Variants in PHAF1 observed in about 807,000 individuals in gnomAD.
The protein encoded by PHAF1 is phagosome assembly factor 1.
Under a neutral mutation model 63.1 loss-of-function variants are expected in PHAF1, and 23 were observed. The observed-to-expected ratio is 0.36, with a 90% CI of 0.26 to 0.52. The LOEUF (loss-of-function observed/expected upper bound fraction) is 0.52, where lower values mean the gene tolerates loss of function less well. Among genes scored for constraint, PHAF1 ranks in the 20% least tolerant of loss-of-function variants. PHAF1 has a pLI of 0.93. For synonymous variants in PHAF1, 167 were observed against 185.0 expected, an observed-to-expected ratio of 0.90 and a Z score of 0.79; for missense variants, 427 against 517.2, an observed-to-expected ratio of 0.83 and a Z score of 1.69.
chr16:67,140,832 G>A (rs1419543734), intron 10 of PHAF1, among the ~76,000 whole-genome samples: 2 of 152,224 alleles, frequency 1.3e-5, no homozygotes, highest in African/African-American at 4.8e-5. Flanking sequence ...TCTTTTCTGA[G>A]GGAAACATGT....
chr16:67,118,194 C>T (rs1962822843), intron 1 of PHAF1, among the ~76,000 whole-genome samples: 1 of 144,110 alleles, frequency 6.9e-6, no homozygotes, highest in Non-Finnish European at 1.5e-5. Context: ...AGGATGGTCT[C>T]GATCTCCTGA....
intron 2 of PHAF1, among the ~76,000 whole-genome samples, chr16:67,125,676 T>C (rs1248478763): frequency 6.6e-6 from 1 of 152,210 alleles, no homozygotes; most frequent in East Asian, 1.9e-4. Flanking sequence ...ACCTGTATAC[T>C]CATATAACTT....
Position 67,148,539 on chromosome 16 carries a change from A to C in PHAF1, c.*1408A>C, listed in dbSNP as rs1289597025. The C allele has an allele frequency of 6.6e-6, 1 of 152,130 alleles. No homozygotes were observed. Among genetic ancestry groups the C allele is most frequent in the Non-Finnish European group, 1.5e-5 (1 of 67,988 alleles). The allele number at this position is 152,130 out of a possible 1,614,324, so 9.4% of individuals were successfully genotyped here. A position where few individuals can be genotyped will look rare whatever the true frequency, so the allele number is the denominator to read the frequency against. On this transcript the variant is annotated 3_prime_UTR_variant, in exon 16 of 16. Coordinates refer to ENST00000219139, the MANE Select transcript of PHAF1 (RefSeq NM_025187.5). ...TGCTGTTGCTGGGATGTTTGTATTAAGGTAAGTGTGGGTATTGGTTTTTTG... is the reference window on the plus strand; with the variant it reads ...TGCTGTTGCTGGGATGTTTGTATTACGGTAAGTGTGGGTATTGGTTTTTTG...
chr16:67,129,769 T>C (rs962164186), intron 3 of PHAF1, among the ~76,000 whole-genome samples: 3 of 152,242 alleles, frequency 2.0e-5, no homozygotes, highest in Non-Finnish European at 2.9e-5. Flanking sequence ...GCTTATTACT[T>C]GGCACCACTG....
intron 1 of PHAF1, among the ~76,000 whole-genome samples, chr16:67,115,610 A>G (rs1032008326): frequency 2.0e-5 from 3 of 152,218 alleles, no homozygotes; most frequent in Admixed American, 1.3e-4. Context: ...CTGTGAGACA[A>G]AGATTTGTGC....
In PHAF1 at chr16:67,148,066, TATTA is replaced by T. The variant is rs2030251774; in HGVS notation, c.*938_*941del. 1 of 152,682 alleles carries T rather than the reference TATTA, an allele frequency of 6.5e-6. No individual in the cohort carries two copies. The allele number at this position is 152,682 out of a possible 1,614,324, so 9.5% of individuals were successfully genotyped here. A position where few individuals can be genotyped will look rare whatever the true frequency, so the allele number is the denominator to read the frequency against. The stretch of plus-strand genomic sequence containing the variant: ...AAGTAGCATATATGTGCTTTAAAAA[TATTA>T]ATCCTTTTGAAAAGAACTGAGAAGA... On this transcript the variant is annotated 3_prime_UTR_variant, in exon 16 of 16. Coordinates refer to ENST00000219139, the MANE Select transcript of PHAF1 (RefSeq NM_025187.5).
chr16:67,114,179 A>G lies in PHAF1; in HGVS notation c.64+3940A>G, dbSNP rs1338197431. The stretch of plus-strand genomic sequence containing the variant: ...GAAGGCTCACTGTGTTGAAGGCATC[A>G]TCTACCTCTGTGAACTCTGCTCACA... On this transcript the variant is annotated intron_variant, in intron 1 of 15. Transcript: ENST00000219139. Among the ~76,000 whole-genome samples, 5 of 152,172 alleles carry G rather than the reference A, an allele frequency of 3.3e-5. No homozygotes were observed. The East Asian group carries it at 5.8e-4, about 18-fold the overall frequency.
intron 1 of PHAF1, among the ~76,000 whole-genome samples, chr16:67,118,003 G>T (rs1239277128): frequency 1.4e-5 from 2 of 148,134 alleles, no homozygotes; most frequent in Non-Finnish European, 3.0e-5. Context: ...AGCCCGGGCT[G>T]GAGTGCAGTG....
In PHAF1 at chr16:67,110,031, G is replaced by A; in HGVS notation, c.-145G>A. Reference sequence around the variant, plus strand: ...TGAGGTGTGGTGTTGGGCCGGTGCTGCTGCCGCTGCCGCCGGGGAGGAGGT... The same window carrying A: ...TGAGGTGTGGTGTTGGGCCGGTGCTACTGCCGCTGCCGCCGGGGAGGAGGT... On this transcript the variant is annotated 5_prime_UTR_variant, in exon 1 of 16. Transcript: ENST00000219139. 4 of 788,156 alleles carry A rather than the reference G, an allele frequency of 5.1e-6. 1 individual carries two copies. The highest frequency in any genetic ancestry group is 5.4e-5 in the East Asian group (2 of 37,026). The allele number at this position is 788,156 out of a possible 1,614,324, so 48.8% of individuals were successfully genotyped here. A position where few individuals can be genotyped will look rare whatever the true frequency, so the allele number is the denominator to read the frequency against.
At chr16:67,117,799 C>T (rs1301939655) in intron 1 of PHAF1, among the ~76,000 whole-genome samples, 5 of 149,650 alleles carry the variant, frequency 3.3e-5, no homozygotes, top group Admixed American at 6.7e-5. Flanking sequence ...AGGAATGCCT[C>T]GCCCTGTTGC....
Position 67,144,897 on chromosome 16 carries a change from A to G in PHAF1, c.1006+20A>G. On this transcript the variant is annotated intron_variant, in intron 12 of 15. Transcript: ENST00000219139. ...AGAAAGGTGAGTAGTGAAAGCTCTC[A>G]GGGTAAGGGAGGGGTTTTAGAGTCT... is the stretch of plus-strand genomic sequence containing the variant. The G allele has an allele frequency of 6.2e-7, 1 of 1,610,538 alleles. No homozygotes were observed. The highest frequency in any genetic ancestry group is 8.5e-7 in the Non-Finnish European group (1 of 1,176,706).
chr16:67,144,919 G>A (rs2029911677), intron 12 of PHAF1, 42 bp downstream of exon 12: 1 of 1,596,486 alleles, frequency 6.3e-7, no homozygotes, highest in Non-Finnish European at 8.6e-7. Flanking sequence ...GGGTTTTAGA[G>A]TCTGTTTTCC....
At chr16:67,127,351 A>G (rs553065741) in intron 3 of PHAF1, among the ~76,000 whole-genome samples, 9 of 152,326 alleles carry the variant, frequency 5.9e-5, no homozygotes, top group African/African-American at 2.2e-4. Context: ...ACCAGTTCTC[A>G]TCATCCTTGT....
At chr16:67,126,599 T>G (rs1229807780) in intron 3 of PHAF1, among the ~76,000 whole-genome samples, 3 of 149,898 alleles carry the variant, frequency 2.0e-5, no homozygotes, top group African/African-American at 4.9e-5. Flanking sequence ...TTTTTGGTTT[T>G]TTTTTTTTTT....
chr16:67,129,111 TGC>T, intron 3 of PHAF1, among the ~76,000 whole-genome samples: 1 of 152,218 alleles, frequency 6.6e-6, no homozygotes, highest in African/African-American at 2.4e-5. Flanking sequence ...TGAAATGGCA[TGC>T]CAGTTTGGCA....
At chr16:67,142,486 C>T (rs1963850775) in intron 10 of PHAF1, among the ~76,000 whole-genome samples, 1 of 152,256 alleles carries the variant, frequency 6.6e-6, no homozygotes, top group African/African-American at 2.4e-5. Flanking sequence ...ATCAGCGTGC[C>T]ATCCATGGTG....
At chr16:67,126,482 A>T (rs975339340) in intron 3 of PHAF1, among the ~76,000 whole-genome samples, 12 of 152,058 alleles carry the variant, frequency 7.9e-5, no homozygotes, top group Non-Finnish European at 1.2e-4. Flanking sequence ...AACCCTGGGG[A>T]GGAAATGTAA....
intron 1 of PHAF1, among the ~76,000 whole-genome samples, chr16:67,118,766 CTTTTTTTTTTTTTT>C (rs910658530): frequency 7.4e-4 from 74 of 100,018 alleles, no homozygotes; most frequent in African/African-American, 3.5e-3. Context: ...TGATCTTAAA[CTTTTTTTTTTTTTT>C]TTTTTTTTTT....
chr16:67,146,243 G>C (rs1451813028), intron 14 of PHAF1, 35 bp from the exon 15 acceptor site: 1 of 1,591,992 alleles, frequency 6.3e-7, no homozygotes, highest in East Asian at 2.2e-5. Context: ...CGTGGCCTCT[G>C]TCTGCCTCTC....
Sources: gnomAD v4.1 joint callset for allele counts (sites outside exome capture counted in the v4.1 genomes callset) on GRCh38, gnomAD v4.1.1 for gene constraint, MANE v1.5 for transcripts, NCBI Gene and HGNC (gene_info 2026-07-23, HGNC 2026-07-21) for gene names.